The following TRERF1 variants were observed in gnomAD, a reference collection of about 807,000 sequenced individuals.
The protein encoded by TRERF1 is transcriptional-regulating factor 1.
A neutral mutation model predicts 122.9 loss-of-function variants in TRERF1; 27 were observed. The ratio of observed to expected loss-of-function variants is 0.22; its 90% confidence interval spans 0.16 to 0.30. The LOEUF (loss-of-function observed/expected upper bound fraction) is 0.30. TRERF1 is among the 10% of genes least tolerant of loss of function. TRERF1 has a pLI of 1.00. For missense variants in TRERF1, 1,248 were observed against 1,560.3 expected (o/e 0.80, Z 3.37); for synonymous variants, 636 against 641.7 (o/e 0.99, Z 0.13).
chr6:42,240,642 C>A (rs1333937528), intron 15 of TRERF1, among the ~76,000 whole-genome samples: 1 of 152,254 alleles, frequency 6.6e-6, no homozygotes, highest in Admixed American at 6.5e-5. Flanking sequence ...GAGTCCTTAA[C>A]GCTGCATCTA....
At position 42,393,711 on chromosome 6, in the gene TRERF1, T is replaced by C. The variant is rs111852974; in HGVS notation, c.-453-30632A>G. On this transcript the variant is annotated intron_variant, in intron 2 of 17. Coordinates refer to ENST00000372922, the Ensembl canonical transcript of TRERF1. The surrounding 1 kb of genome is among the most constrained non-coding windows in gnomAD (Gnocchi z 4.1). ...GGAAGGCAATTTAGATGACTAAATA[T>C]AGGGGAGCTGGTTAAATAAGTTATA... 1.3e-5 allele frequency among the ~76,000 whole-genome samples: 2 copies of C among 152,204 alleles called. No homozygotes were observed. The highest frequency in any genetic ancestry group is 2.9e-5 in the Non-Finnish European group (2 of 68,044).
chr6:42,402,777 C>T lies in TRERF1; in HGVS notation c.-453-39698G>A, dbSNP rs985226857. 2.6e-5 allele frequency among the ~76,000 whole-genome samples: 4 copies of T among 152,326 alleles called. No homozygotes were observed. The East Asian group carries it at 5.8e-4, about 22-fold the overall frequency. Reference sequence around the variant, plus strand: ...AAGGTGAGCAAAACAAGATCGAATGCTGCCCTCATGGAGATTCTAAGTCCG... The same window carrying T: ...AAGGTGAGCAAAACAAGATCGAATGTTGCCCTCATGGAGATTCTAAGTCCG... On this transcript the variant is annotated intron_variant, in intron 2 of 17. Transcript: ENST00000372922.
intron 3 of TRERF1, among the ~76,000 whole-genome samples, chr6:42,329,618 G>C (rs1357124026): frequency 6.6e-6 from 1 of 152,096 alleles, no homozygotes; most frequent in Non-Finnish European, 1.5e-5. Flanking sequence ...CGAATATATA[G>C]ATATAAAGGA....
intron 3 of TRERF1, among the ~76,000 whole-genome samples, chr6:42,334,759 A>G (rs1347736217): frequency 6.6e-6 from 1 of 152,272 alleles, no homozygotes; most frequent in Non-Finnish European, 1.5e-5. Flanking sequence ...GGAACCACAA[A>G]GGTGAAACAG....
At chr6:42,298,130 AGTT>A (rs1051137454) in intron 4 of TRERF1, among the ~76,000 whole-genome samples, 9 of 151,888 alleles carry the variant, frequency 5.9e-5, no homozygotes, top group African/African-American at 1.7e-4. Flanking sequence ...AATAGAAGAT[AGTT>A]GTTGTTTTTT....
intron 2 of TRERF1, among the ~76,000 whole-genome samples, chr6:42,410,624 C>T (rs1780971698): frequency 1.3e-5 from 2 of 152,142 alleles, no homozygotes; most frequent in Admixed American, 6.5e-5. Flanking sequence ...GAGTTGGAGG[C>T]TCCTCAGTCC....
Position 42,443,997 on chromosome 6 carries a change from T to C in TRERF1, c.-454+7180A>G, listed in dbSNP as rs543987449. ...ATGGTACCAGCCCTCTTTTTACAGA[T>C]GTAGAGAGGCTCGGAGGTCGACTAG... On this transcript the variant is annotated intron_variant, in intron 2 of 17. Transcript: ENST00000372922. Among the ~76,000 whole-genome samples, 47 of 152,214 alleles carry C rather than the reference T, an allele frequency of 3.1e-4. No homozygotes were observed. The South Asian group carries it at 9.1e-3, about 30-fold the overall frequency.
At chr6:42,449,151 A>T (rs1686824846) in intron 2 of TRERF1, among the ~76,000 whole-genome samples, 1 of 152,266 alleles carries the variant, frequency 6.6e-6, no homozygotes, top group African/African-American at 2.4e-5. Context: ...CTATGTGATA[A>T]TAACACATGC....
At chr6:42,444,858 C>T (rs1787184154) in intron 2 of TRERF1, among the ~76,000 whole-genome samples, 1 of 152,312 alleles carries the variant, frequency 6.6e-6, no homozygotes, top group South Asian at 2.1e-4. Context: ...GAGTTGACTA[C>T]ACGGGCTGTC....
chr6:42,385,637 C>T (rs535532056), intron 2 of TRERF1, among the ~76,000 whole-genome samples: 1 of 152,290 alleles, frequency 6.6e-6, no homozygotes, highest in South Asian at 2.1e-4. Context: ...GAGAATCCTC[C>T]CTGCAGCTCT....
At chr6:42,266,722 A>C (rs1270596569) in intron 5 of TRERF1, among the ~76,000 whole-genome samples, 2 of 152,220 alleles carry the variant, frequency 1.3e-5, no homozygotes, top group Non-Finnish European at 2.9e-5. Context: ...CCAAGGCATG[A>C]AAAGTGCCCA....
chr6:42,320,978 T>C (rs892170997), intron 3 of TRERF1, among the ~76,000 whole-genome samples: 2 of 151,986 alleles, frequency 1.3e-5, no homozygotes, highest in Admixed American at 6.6e-5. Flanking sequence ...ATTATGAGAT[T>C]CCATTAGCCT....
intron 2 of TRERF1, among the ~76,000 whole-genome samples, chr6:42,408,486 T>C (rs1562154227): frequency 6.7e-6 from 1 of 150,112 alleles, no homozygotes; most frequent in Non-Finnish European, 1.5e-5. Context: ...TCAAGCGATT[T>C]TCCTGCCTCA....
At chr6:42,406,062 T>C (rs1780140158) in intron 2 of TRERF1, among the ~76,000 whole-genome samples, 1 of 152,170 alleles carries the variant, frequency 6.6e-6, no homozygotes, top group Non-Finnish European at 1.5e-5. Flanking sequence ...ACTTTCCAGA[T>C]ACAACTCAGT....
chr6:42,241,796 T>C (rs1773778657), intron 15 of TRERF1, among the ~76,000 whole-genome samples: 1 of 152,204 alleles, frequency 6.6e-6, no homozygotes, highest in African/African-American at 2.4e-5. Flanking sequence ...TAAGAAAATG[T>C]GTGGCCAGGT....
At chr6:42,230,843 C>T (rs537383339) in intron 17 of TRERF1, among the ~76,000 whole-genome samples, 75 of 152,246 alleles carry the variant, frequency 4.9e-4, no homozygotes, top group African/African-American at 1.5e-3. Context: ...CTTAATCAGA[C>T]GCAGCATGGC....
chr6:42,396,108 T>C (rs1174482730), intron 2 of TRERF1, among the ~76,000 whole-genome samples: 1 of 152,170 alleles, frequency 6.6e-6, no homozygotes, highest in Non-Finnish European at 1.5e-5. Context: ...CAGTTCGTCA[T>C]CTTCTGAGCC....
At position 42,268,082 on chromosome 6, in the gene TRERF1, T is replaced by C. The variant is rs1779527345; in HGVS notation, c.1437+72A>G. 6 of 1,366,186 alleles carry C rather than the reference T, an allele frequency of 4.4e-6. No homozygotes were observed. The highest frequency in any genetic ancestry group is 5.1e-5 in the South Asian group (2 of 39,566). 84.6% of individuals were successfully genotyped at this position (1,366,186 alleles called of 1,614,324 possible). A position where few individuals can be genotyped will look rare whatever the true frequency, so the allele number is the denominator to read the frequency against. On this transcript the variant is annotated intron_variant, in intron 5 of 17. Coordinates refer to ENST00000372922, the Ensembl canonical transcript of TRERF1. The surrounding 1 kb of genome is among the most constrained non-coding windows in gnomAD (Gnocchi z 4.4). ...GGGTTGAGGGGGCTTGGAGAGAGGA[T>C]TGAGCACTGCAGACTCAGCCCTGAC...
At chr6:42,415,861 T>C (rs921752291) in intron 2 of TRERF1, among the ~76,000 whole-genome samples, 2 of 152,136 alleles carry the variant, frequency 1.3e-5, no homozygotes, top group African/African-American at 4.8e-5. Flanking sequence ...CCAGCTTTTC[T>C]ACACCCAAAA....
Sources: gnomAD v4.1 joint callset for allele counts (sites outside exome capture counted in the v4.1 genomes callset) on GRCh38, gnomAD v4.1.1 for gene constraint, Gnocchi (gnomAD v3.1) non-coding constraint, MANE v1.5 for transcripts, NCBI Gene and HGNC (gene_info 2026-07-23, HGNC 2026-07-21) for gene names.